The following DOCK7 variants were observed in gnomAD, a reference collection of about 807,000 sequenced individuals.
DOCK7 encodes the protein dedicator of cytokinesis 7.
A neutral mutation model predicts 271.0 loss-of-function variants in DOCK7; 138 were observed. The observed-to-expected ratio is 0.51, with a 90% CI of 0.44 to 0.59. The LOEUF is 0.59. Among genes scored for constraint, DOCK7 ranks in the 20% least tolerant of loss-of-function variants. DOCK7 has a pLI of 0.00. For synonymous variants in DOCK7, 823 were observed against 876.1 expected (o/e 0.94, Z 1.07); for missense variants, 2,066 against 2,592.4 (o/e 0.80, Z 4.41).
At chr1:62,536,880 A>G (rs1168017) in intron 28 of DOCK7, among the ~76,000 whole-genome samples, 88,719 of 152,106 alleles carry the variant, frequency 0.58, 27,540 homozygotes, top group East Asian at 0.76. Context: ...TACTAAAACC[A>G]CAAAATCTCT....
chr1:62,537,137 A>G (rs1230150068), intron 28 of DOCK7, among the ~76,000 whole-genome samples: 1 of 152,136 alleles, frequency 6.6e-6, no homozygotes, highest in East Asian at 1.9e-4. Flanking sequence ...ACAGGTATTG[A>G]TCTCTAAAAC....
At chr1:62,624,661 A>G (rs1653709537) in intron 12 of DOCK7, among the ~76,000 whole-genome samples, 1 of 152,242 alleles carries the variant, frequency 6.6e-6, no homozygotes, top group South Asian at 2.1e-4. Flanking sequence ...AATGTTTAAG[A>G]AAAGTTACAC....
At chr1:62,593,065 C>T (rs1230404634) in intron 14 of DOCK7, among the ~76,000 whole-genome samples, 1 of 151,926 alleles carries the variant, frequency 6.6e-6, no homozygotes, top group Non-Finnish European at 1.5e-5. Context: ...TATAGACATT[C>T]ATAGGAAAAT....
At chr1:62,616,945 G>T (rs958899278) in intron 14 of DOCK7, among the ~76,000 whole-genome samples, 1 of 151,524 alleles carries the variant, frequency 6.6e-6, no homozygotes, top group Non-Finnish European at 1.5e-5. Flanking sequence ...TTTATACCTG[G>T]CAAAACTATT....
chr1:62,604,866 A>T, intron 14 of DOCK7: 1 of 1,564,982 alleles, frequency 6.4e-7, no homozygotes, highest in Non-Finnish European at 8.8e-7. Context: ...CCTCATTCCA[A>T]GTTAATGTGG....
At chr1:62,457,792 T>TAC in intron 48 of DOCK7, 87 bp from the exon 49 acceptor site, 2 of 1,252,046 alleles carry the variant, frequency 1.6e-6, no homozygotes, top group East Asian at 4.6e-5. Flanking sequence ...CATATACATA[T>TAC]ATATGTGGGC....
chr1:62,664,131 G>A (rs115436978), intron 1 of DOCK7, among the ~76,000 whole-genome samples: 5,405 of 152,256 alleles, frequency 0.035, 186 homozygotes, highest in Admixed American at 0.1. Context: ...CAAAACTATG[G>A]AAGACAGTAA....
At chr1:62,468,159 G>C (rs1173620886) in intron 48 of DOCK7, among the ~76,000 whole-genome samples, 1 of 152,006 alleles carries the variant, frequency 6.6e-6, no homozygotes, top group East Asian at 1.9e-4. Context: ...TCGGGAGTTC[G>C]AGACCAGCCT....
intron 14 of DOCK7, chr1:62,608,778 C>T (rs777840403): frequency 3.3e-5 from 5 of 152,130 alleles, no homozygotes; most frequent in Non-Finnish European, 5.9e-5. Flanking sequence ...TTTCCATACA[C>T]TCTGTCATCC....
At chr1:62,637,275 T>TA (rs1655396409) in intron 7 of DOCK7, among the ~76,000 whole-genome samples, 1 of 152,206 alleles carries the variant, frequency 6.6e-6, no homozygotes, top group Non-Finnish European at 1.5e-5. Flanking sequence ...ATTGTATACT[T>TA]AATTGAGATG....
Position 62,529,403 on chromosome 1 carries a change from A to C in DOCK7, c.3655T>G (p.Leu1219Val). Reference sequence around the variant, plus strand: ...GGGTCTGAGTCGTGACTGGAGAGTAAATTGTGTACCATATTGATGACTTTC... The same window carrying C: ...GGGTCTGAGTCGTGACTGGAGAGTACATTGTGTACCATATTGATGACTTTC... Reference protein sequence around the residue: ...HKKVINMVHNLLSSHDSDPRY... With the variant: ...HKKVINMVHNVLSSHDSDPRY... Residue 1219 changes from leucine to valine, a missense_variant, in exon 30 of 50, where the codon TTA becomes GTA. Leu to Val is a conservative substitution (Grantham distance 32, BLOSUM62 1). Around this residue, in one of 2 missense-constraint regions of DOCK7, gnomAD observed 1,414 missense variants for 1,670.4 expected, o/e 0.85. Coordinates refer to ENST00000635253, the MANE Select transcript of DOCK7 (RefSeq NM_001367561.1). 6.2e-7 allele frequency: 1 copy of C among 1,613,458 alleles called. No homozygotes were observed.
chr1:62,659,696 T>C (rs960386416), intron 2 of DOCK7, among the ~76,000 whole-genome samples: 2 of 151,970 alleles, frequency 1.3e-5, no homozygotes, highest in African/African-American at 2.4e-5. Context: ...AGGTTGAAAA[T>C]AGAAGTATGG....
intron 22 of DOCK7, among the ~76,000 whole-genome samples, chr1:62,548,426 T>C (rs1645783713): frequency 2.7e-5 from 4 of 149,538 alleles, no homozygotes; most frequent in African/African-American, 9.8e-5. Flanking sequence ...CTTAAGTCTT[T>C]TTTTTTTTTT....
rs769994499 is a variant in DOCK7 at position 62,555,961 on chromosome 1, G to A, written c.2460C>T (p.Ala820=). The change falls in exon 21 of 50, where the codon GCC becomes GCT. Residue 820 remains alanine (A), a synonymous_variant. Transcript: ENST00000635253. ...IVNLGQASFE[A]MASIINRLHK... is the part of the protein sequence containing the mutation. ...GAAGTCGATTTATAATTGATGCCAT[G>A]GCTTCAAAAGATGCTTGACCTAGGT... The A allele has an allele frequency of 2.5e-6, 4 of 1,613,624 alleles. No homozygotes were observed. The highest frequency in any genetic ancestry group is 3.4e-6 in the Non-Finnish European group (4 of 1,179,892).
chr1:62,678,704 T>C (rs1332631921), intron 1 of DOCK7, among the ~76,000 whole-genome samples: 1 of 152,148 alleles, frequency 6.6e-6, no homozygotes, highest in African/African-American at 2.4e-5. Context: ...TCAAGATTTT[T>C]TTTTAAAGGT....
chr1:62,646,055 G>A (rs1383930169), intron 7 of DOCK7, among the ~76,000 whole-genome samples: 1 of 151,762 alleles, frequency 6.6e-6, no homozygotes, highest in Non-Finnish European at 1.5e-5. Flanking sequence ...GCTGAGGCAG[G>A]AGAATCGCTT....
chr1:62,465,385 C>T (rs757192418), intron 48 of DOCK7, among the ~76,000 whole-genome samples: 1 of 151,888 alleles, frequency 6.6e-6, no homozygotes, highest in Non-Finnish European at 1.5e-5. Flanking sequence ...AGTTACATTA[C>T]AGGAAACAGG....
At position 62,489,001 on chromosome 1, in the gene DOCK7, C is replaced by T. The variant is rs773261339; in HGVS notation, c.5426G>A (p.Arg1809Gln). 6 of 1,612,492 alleles carry T rather than the reference C, an allele frequency of 3.7e-6. No homozygotes were observed. The highest frequency in any genetic ancestry group is 2.7e-5 in the African/African-American group (2 of 74,784). ...KVLIPIHEAN[R>Q]DAKKLSTIHG... Reference sequence around the variant, plus strand: ...AATTGTGGATAGTTTCTTTGCATCCCGATTAGCTTCATGAATAGGAATAAG... The same window carrying T: ...AATTGTGGATAGTTTCTTTGCATCCTGATTAGCTTCATGAATAGGAATAAG... The change falls in exon 42 of 50, where the codon CGG becomes CAG. Residue 1809 changes from arginine to glutamine, a missense_variant. Around this residue, in one of 2 missense-constraint regions of DOCK7, gnomAD observed 652 missense variants for 922.1 expected, o/e 0.71. Transcript: ENST00000635253.
chr1:62,518,266 C>G (rs142719598), intron 31 of DOCK7, among the ~76,000 whole-genome samples: 1 of 151,526 alleles, frequency 6.6e-6, no homozygotes, highest in Non-Finnish European at 1.5e-5. Flanking sequence ...TGCAACTCAT[C>G]TCTACTAAAA....
Sources: gnomAD v4.1 joint callset for allele counts (sites outside exome capture counted in the v4.1 genomes callset) on GRCh38, gnomAD v4.1.1 for gene constraint, gnomAD v4.1.1 regional missense constraint, MANE v1.5 for transcripts, NCBI Gene and HGNC (gene_info 2026-07-23, HGNC 2026-07-21) for gene names.